The following FER1L5 variants were observed in gnomAD, a reference collection of about 807,000 sequenced individuals.
FER1L5 encodes fer-1-like protein 5.
FER1L5 carries 187 observed loss-of-function variants against 279.9 expected under a neutral mutation model. That is an observed-to-expected ratio of 0.67 (90% CI 0.59 to 0.75). FER1L5 has a LOEUF of 0.75. FER1L5 is among the 30% of genes least tolerant of loss of function. The probability of loss-of-function intolerance (pLI) is 0.00; values close to 1 mark genes in which losing one functional copy is unlikely to be tolerated. For synonymous variants in FER1L5, 921 were observed against 989.7 expected (o/e 0.93, Z 1.30); for missense variants, 2,091 against 2,594.4 (o/e 0.81, Z 4.21).
chr2:96,704,658 A>G lies in FER1L5; in HGVS notation c.6140A>G (p.Asp2047Gly). The part of the protein sequence containing the change: ...LHPGPTNHLS[D>G]IFPELPAPGD ...CCAGGACCCACAAATCACCTGAGTG[A>G]TATTTTCCCAGAACTTCCAGCCCCA... is the stretch of plus-strand genomic sequence containing the variant. Residue 2047 changes from aspartate (D) to glycine (G), a missense_variant, in exon 53 of 53, where the codon GAT (aspartate) becomes GGT (glycine). Coordinates refer to ENST00000624922, the MANE Select transcript of FER1L5 (RefSeq NM_001293083.2). The G allele has an allele frequency of 6.2e-7, 1 of 1,613,992 alleles. No individual in the cohort carries two copies. The highest frequency in any genetic ancestry group is 1.6e-4 in the Middle Eastern group (1 of 6,062).
intron 7 of FER1L5, 192 bp downstream of exon 7, chr2:96,652,212 T>A: frequency 1.4e-6 from 1 of 710,158 alleles, no homozygotes; most frequent in Non-Finnish European, 2.3e-6. Context: ...TCTGAGGAGC[T>A]GGTGGGCTGG....
Position 96,702,805 on chromosome 2 carries a change from C to A in FER1L5, c.5397+64C>A. On this transcript the variant is annotated intron_variant, in intron 48 of 52. Coordinates refer to ENST00000624922, the MANE Select transcript of FER1L5 (RefSeq NM_001293083.2). This position sits in a 1 kb window ranked among gnomAD's most constrained non-coding sequence, Gnocchi z 4.0. Reference sequence around the variant, plus strand: ...AAACAGACCCAGGCTCCTGGAGCTCCTCCCCCCACCCCTCCAGAGGCTTGC... The same window carrying A: ...AAACAGACCCAGGCTCCTGGAGCTCATCCCCCCACCCCTCCAGAGGCTTGC... The A allele has an allele frequency of 6.3e-7, 1 of 1,589,158 alleles. No individual in the cohort carries two copies. Among genetic ancestry groups the A allele is most frequent in the South Asian group, 1.1e-5 (1 of 88,024 alleles).
intron 19 of FER1L5, among the ~76,000 whole-genome samples, 192 bp from the exon 20 acceptor site, chr2:96,684,135 G>A (rs532370002): frequency 6.6e-6 from 1 of 152,340 alleles, no homozygotes; most frequent in South Asian, 2.1e-4. Context: ...AAGGGTCAAA[G>A]TGCACACATT....
At chr2:96,679,809 C>T (rs989990348) in intron 19 of FER1L5, among the ~76,000 whole-genome samples, 2 of 152,116 alleles carry the variant, frequency 1.3e-5, no homozygotes, top group Non-Finnish European at 2.9e-5. Context: ...ATTTCGGTTA[C>T]TTTTCTTATT....
Position 96,702,150 on chromosome 2 carries a change from T to C in FER1L5, c.5159+107T>C, listed in dbSNP as rs2077607309. ...TGAGCTGCAGTAATTCGTTTCTCTA[T>C]TGGGAAGAGAGGAAGCTCTACTGGG... On this transcript the variant is annotated intron_variant, in intron 46 of 52. Transcript: ENST00000624922. This position sits in a 1 kb window ranked among gnomAD's most constrained non-coding sequence, Gnocchi z 4.0. 19 of 1,570,508 alleles carry C rather than the reference T, an allele frequency of 1.2e-5. No individual in the cohort carries two copies. Among genetic ancestry groups the C allele is most frequent in the Non-Finnish European group, 1.4e-5 (16 of 1,153,376 alleles).
Position 96,689,530 on chromosome 2 carries a change from GCCCA to G in FER1L5, c.2526-113_2526-110del. The G allele has an allele frequency of 7.0e-7, 1 of 1,436,554 alleles. No homozygotes were observed. The highest frequency in any genetic ancestry group is 9.6e-7 in the Non-Finnish European group (1 of 1,046,070). 89.0% of individuals were successfully genotyped at this position (1,436,554 alleles called of 1,614,324 possible). Reference sequence around the variant, plus strand: ...AGGGCCCTGCCCACCACCCTGTCCTGCCCAGAGCAGGTGGGGATGGGATGCCAGG... The same window carrying G: ...AGGGCCCTGCCCACCACCCTGTCCTGGAGCAGGTGGGGATGGGATGCCAGG... On this transcript the variant is annotated intron_variant, in intron 25 of 52. Transcript: ENST00000624922. This position sits in a 1 kb window ranked among gnomAD's most constrained non-coding sequence, Gnocchi z 4.6.
intron 19 of FER1L5, among the ~76,000 whole-genome samples, chr2:96,674,190 A>T (rs1363251057): frequency 6.6e-6 from 1 of 152,108 alleles, no homozygotes; most frequent in Non-Finnish European, 1.5e-5. Flanking sequence ...CCACCTCCCC[A>T]GCCCTAGGCA....
At chr2:96,659,297 C>T (rs572171965) in intron 9 of FER1L5, among the ~76,000 whole-genome samples, 679 of 26,508 alleles carry the variant, frequency 0.026, 4 homozygotes, top group African/African-American at 0.054. Flanking sequence ...AGCTTTCCTT[C>T]CTTCCTTCCT....
chr2:96,655,632 G>A (rs562436289), intron 9 of FER1L5, among the ~76,000 whole-genome samples: 9 of 152,292 alleles, frequency 5.9e-5, no homozygotes, highest in African/African-American at 2.2e-4. Context: ...TCTTGACAAA[G>A]GCCACCGCAT....
intron 10 of FER1L5, 36 bp from the exon 11 acceptor site, chr2:96,661,289 G>A (rs2075944667): frequency 1.4e-6 from 2 of 1,408,274 alleles, no homozygotes. Context: ...GAAGGAGGCT[G>A]CAGGCAGATC....
Position 96,699,543 on chromosome 2 carries a change from C to T in FER1L5, c.4611-7C>T, listed in dbSNP as rs1430689871. The stretch of plus-strand genomic sequence containing the variant: ...ATCCTCTGCAGTCTCCAACACCTCA[C>T]CCCTAGGATGTTTGAACTCACCTGC... On this transcript the variant is annotated splice_polypyrimidine_tract_variant and splice_region_variant and intron_variant, in intron 42 of 52. Transcript: ENST00000624922. 6.2e-7 allele frequency: 1 copy of T among 1,612,496 alleles called. No homozygotes were observed. Among genetic ancestry groups the T allele is most frequent in the Non-Finnish European group, 8.5e-7 (1 of 1,178,998 alleles).
At chr2:96,673,806 C>T (rs990919248) in intron 19 of FER1L5, among the ~76,000 whole-genome samples, 2 of 152,176 alleles carry the variant, frequency 1.3e-5, no homozygotes, top group Non-Finnish European at 2.9e-5. Flanking sequence ...CCACGCTAGC[C>T]CTAGAGAATC....
chr2:96,685,813 A>C (rs944273959), intron 21 of FER1L5, 127 bp from the exon 22 acceptor site: 1 of 1,212,732 alleles, frequency 8.2e-7, no homozygotes, highest in Non-Finnish European at 1.1e-6. Context: ...CTCCTGGGCC[A>C]GGCTAGCAGC....
chr2:96,684,555 A>C, intron 20 of FER1L5, 104 bp downstream of exon 20: 3 of 1,426,350 alleles, frequency 2.1e-6, no homozygotes, highest in Non-Finnish European at 2.8e-6. Context: ...CACACAGCTC[A>C]TTCATGCATT....
chr2:96,653,502 C>A, intron 7 of FER1L5, 138 bp from the exon 8 acceptor site: 1 of 690,864 alleles, frequency 1.4e-6, no homozygotes, highest in Non-Finnish European at 2.5e-6. Context: ...TAGGAATACT[C>A]AGCCTGTACT....
intron 14 of FER1L5, among the ~76,000 whole-genome samples, chr2:96,665,094 TA>T (rs2076082222): frequency 6.6e-6 from 1 of 152,222 alleles, no homozygotes; most frequent in African/African-American, 2.4e-5. Context: ...GGCGGAGTCT[TA>T]CTGGCCTTTT....
chr2:96,689,429 C>T lies in FER1L5; in HGVS notation c.2525+53C>T. ...AGAGGGGACACTTCACCTGGGAGGGCCAGTCCGCGGCAGCCCAGAAAGATG... is the reference window on the plus strand; with the variant it reads ...AGAGGGGACACTTCACCTGGGAGGGTCAGTCCGCGGCAGCCCAGAAAGATG... On this transcript the variant is annotated intron_variant, in intron 25 of 52. Coordinates refer to ENST00000624922, the MANE Select transcript of FER1L5 (RefSeq NM_001293083.2). The surrounding 1 kb of genome is among the most constrained non-coding windows in gnomAD (Gnocchi z 4.6). 5 of 1,537,030 alleles carry T rather than the reference C, an allele frequency of 3.3e-6. No homozygotes were observed. Among genetic ancestry groups the T allele is most frequent in the Non-Finnish European group, 4.4e-6 (5 of 1,143,038 alleles).
chr2:96,700,811 C>G (rs534785302), intron 45 of FER1L5, among the ~76,000 whole-genome samples: 5 of 152,308 alleles, frequency 3.3e-5, no homozygotes, highest in Non-Finnish European at 5.9e-5. Flanking sequence ...TCAGACAGCG[C>G]AGACATGACA....
In FER1L5 at chr2:96,661,799, T is replaced by G. The variant is rs1170106847; in HGVS notation, c.1018+8T>G. 4.5e-6 allele frequency: 7 copies of G among 1,550,994 alleles called. No individual in the cohort carries two copies. Among genetic ancestry groups the G allele is most frequent in the Non-Finnish European group, 6.1e-6 (7 of 1,146,842 alleles). ...CAGAGGACCTTCACCTCAGTTAGAG[T>G]CTGGGTGCAGGGGAGGGAGCAGCCC... is the stretch of plus-strand genomic sequence containing the variant. On this transcript the variant is annotated splice_region_variant and intron_variant, in intron 12 of 52. Transcript: ENST00000624922.
Sources: gnomAD v4.1 joint callset for allele counts (sites outside exome capture counted in the v4.1 genomes callset) on GRCh38, gnomAD v4.1.1 for gene constraint, Gnocchi (gnomAD v3.1) non-coding constraint, MANE v1.5 for transcripts, NCBI Gene and HGNC (gene_info 2026-07-23, HGNC 2026-07-21) for gene names.